The following IGDCC3 variants were observed in gnomAD, a reference collection of about 807,000 sequenced individuals.
IGDCC3 encodes the protein immunoglobulin superfamily DCC subclass member 3, also known as putative neuronal cell adhesion molecule.
In IGDCC3, 47 loss-of-function variants were observed where a neutral mutation model predicts 72.0. That is an observed-to-expected ratio of 0.65 (90% confidence interval 0.52 to 0.83). IGDCC3 has a LOEUF of 0.83. Among genes scored for constraint, IGDCC3 ranks in the 40% least tolerant of loss-of-function variants. IGDCC3 has a pLI of 0.00. For missense variants in IGDCC3, 1,038 were observed against 1,091.3 expected, an observed-to-expected ratio of 0.95 and a Z score of 0.69; for synonymous variants, 477 against 472.8, an observed-to-expected ratio of 1.01 and a Z score of -0.11.
intron 2 of IGDCC3, among the ~76,000 whole-genome samples, chr15:65,365,419 A>AT (rs2091284199): frequency 6.6e-6 from 1 of 152,070 alleles, no homozygotes; most frequent in South Asian, 2.1e-4. Context: ...CCTGCCCATT[A>AT]TCACTGCCTG....
intron 2 of IGDCC3, among the ~76,000 whole-genome samples, chr15:65,371,297 T>C (rs911956842): frequency 6.6e-6 from 1 of 152,216 alleles, no homozygotes; most frequent in African/African-American, 2.4e-5. Context: ...ATGGTGCACA[T>C]TTTTTCAGAT....
In IGDCC3 at chr15:65,377,552, G is replaced by T; in HGVS notation, c.103+134C>A. ...ACCCTCTCCCCGTCCGGATCCGCAG[G>T]GTCCCCCCCGCGCGGGGTCCGCCCT... On this transcript the variant is annotated intron_variant, in intron 1 of 13. Transcript: ENST00000327987. This position sits in a 1 kb window ranked among gnomAD's most constrained non-coding sequence, Gnocchi z 4.9. The T allele has an allele frequency of 1.1e-6, 1 of 912,958 alleles. No homozygotes were observed. The allele number at this position is 912,958 out of a possible 1,614,324, so 56.6% of individuals were successfully genotyped here.
chr15:65,349,200 T>G (rs908499462), intron 2 of IGDCC3, among the ~76,000 whole-genome samples: 1 of 152,124 alleles, frequency 6.6e-6, no homozygotes, highest in African/African-American at 2.4e-5. Flanking sequence ...CTAAGCAGAG[T>G]AGCTAATGTC....
At chr15:65,352,312 T>C (rs1017239946) in intron 2 of IGDCC3, among the ~76,000 whole-genome samples, 3 of 152,250 alleles carry the variant, frequency 2.0e-5, no homozygotes, top group Admixed American at 1.3e-4. Flanking sequence ...TTGTGAGTAT[T>C]CTTAACTTAT....
chr15:65,362,122 G>GGA lies in IGDCC3; in HGVS notation c.409+12974_409+12975insTC, dbSNP rs2091265988. On this transcript the variant is annotated intron_variant, in intron 2 of 13. Transcript: ENST00000327987. ...AAGAAGTGGTACAGAGGGAGCTGGG[G>GGA]GGCCTGGAGGGAGGCAGAGGAGGAA... Among the ~76,000 whole-genome samples, 3 of 152,200 alleles carry GGA rather than the reference G, an allele frequency of 2.0e-5. No individual in the cohort carries two copies. The East Asian group carries it at 5.8e-4, about 29-fold the overall frequency.
In IGDCC3 at chr15:65,329,998, C is replaced by T. The variant is rs534452588; in HGVS notation, c.1859-134G>A. 81 of 921,294 alleles carry T rather than the reference C, an allele frequency of 8.8e-5. No individual in the cohort carries two copies. In the African/African-American group the frequency reaches 9.8e-4, roughly 11 times the overall value. 57.1% of individuals were successfully genotyped at this position (921,294 alleles called of 1,614,324 possible). A position where few individuals can be genotyped will look rare whatever the true frequency, so the allele number is the denominator to read the frequency against. On this transcript the variant is annotated intron_variant, in intron 11 of 13. Transcript: ENST00000327987. The surrounding 1 kb of genome is among the most constrained non-coding windows in gnomAD (Gnocchi z 4.1). ...GAGTGGGAACATCCTTTGACTTTGCCTACAGGACTCCAGACCAATCTTTTT... is the reference window on the plus strand; with the variant it reads ...GAGTGGGAACATCCTTTGACTTTGCTTACAGGACTCCAGACCAATCTTTTT...
At chr15:65,346,290 T>C (rs941693123) in intron 2 of IGDCC3, among the ~76,000 whole-genome samples, 25 of 152,244 alleles carry the variant, frequency 1.6e-4, no homozygotes, top group Non-Finnish European at 3.4e-4. Context: ...CCAGCAGATC[T>C]GAGCTGTGAA....
Position 65,331,457 on chromosome 15 carries a change from T to A in IGDCC3, c.1351A>T (p.Thr451Ser), listed in dbSNP as rs779182803. Residue 451 changes from threonine to serine, a missense_variant, in exon 8 of 14, where the codon ACC becomes TCC. Coordinates refer to ENST00000327987, the MANE Select transcript of IGDCC3 (RefSeq NM_004884.4). ...AGGACGTAGCCGATGATCTCCTTGG[T>A]GTTGGCCAGCGGCTCACTCCAGGAC... ...RVSWSEPLAN[T>S]KEIIGYVLHI... is the part of the protein sequence containing the mutation. The A allele has an allele frequency of 6.2e-7, 1 of 1,612,992 alleles. No homozygotes were observed. Among genetic ancestry groups the A allele is most frequent in the South Asian group, 1.1e-5 (1 of 90,936 alleles).
intron 2 of IGDCC3, among the ~76,000 whole-genome samples, chr15:65,363,516 T>G (rs2091273393): frequency 6.6e-6 from 1 of 152,176 alleles, no homozygotes; most frequent in Non-Finnish European, 1.5e-5. Context: ...GTCGGCCCCG[T>G]GGGCGTGTAA....
chr15:65,371,778 C>CT (rs1423259210), intron 2 of IGDCC3, among the ~76,000 whole-genome samples: 2 of 152,182 alleles, frequency 1.3e-5, no homozygotes, highest in Non-Finnish European at 2.9e-5. Flanking sequence ...CTAGTCCATC[C>CT]TTTTTGGAGT....
chr15:65,359,131 T>G (rs2140162939), intron 2 of IGDCC3, among the ~76,000 whole-genome samples: 1 of 152,338 alleles, frequency 6.6e-6, no homozygotes, highest in Non-Finnish European at 1.5e-5. Flanking sequence ...AAAATGCTTT[T>G]AAATGATCTC....
intron 2 of IGDCC3, among the ~76,000 whole-genome samples, chr15:65,356,571 C>A (rs1247877393): frequency 1.4e-5 from 2 of 146,624 alleles, no homozygotes; most frequent in Non-Finnish European, 3.0e-5. Flanking sequence ...TAAAGGAAAC[C>A]ACGGTGCAGA....
At chr15:65,349,729 C>T (rs2091157332) in intron 2 of IGDCC3, among the ~76,000 whole-genome samples, 1 of 152,182 alleles carries the variant, frequency 6.6e-6, no homozygotes, top group Non-Finnish European at 1.5e-5. Flanking sequence ...GCAGTACTTT[C>T]TTTTGGTCTC....
Position 65,351,538 on chromosome 15 carries a change from A to AAG in IGDCC3, c.410-15583_410-15582insCT, listed in dbSNP as rs2091173754. 2.0e-5 allele frequency among the ~76,000 whole-genome samples: 3 copies of AAG among 152,108 alleles called. No homozygotes were observed. In the East Asian group the frequency reaches 5.8e-4, roughly 29 times the overall value. ...GACAGAGTGAGACTCCGTCTCAAAA[A>AAG]AAAAAAAAAAAGAATCTTACCTTAC... On this transcript the variant is annotated intron_variant, in intron 2 of 13. Transcript: ENST00000327987.
rs767988981 is a variant in IGDCC3, at chr15:65,335,917, C to G, written c.449G>C (p.Gly150Ala). Residue 150 changes from glycine to alanine, a missense_variant, in exon 3 of 14, where the codon GGT becomes GCT. By Grantham distance (60) the Gly-to-Ala change is moderately conservative. Coordinates refer to ENST00000327987, the MANE Select transcript of IGDCC3 (RefSeq NM_004884.4). Reference sequence around the variant, plus strand: ...GAAGCGGGCCACACCACCCTCCTCACCCACGGTGGCCTGGGGATGCACGTG... The same window carrying G: ...GAAGCGGGCCACACCACCCTCCTCAGCCACGGTGGCCTGGGGATGCACGTG... ...DFHVHPQATV[G>A]EEGGVARFQC... The G allele has an allele frequency of 6.2e-7, 1 of 1,614,120 alleles. No individual in the cohort carries two copies. The highest frequency in any genetic ancestry group is 1.7e-5 in the Admixed American group (1 of 60,024).
intron 2 of IGDCC3, among the ~76,000 whole-genome samples, chr15:65,361,170 T>G (rs1288695178): frequency 6.6e-6 from 1 of 152,138 alleles, no homozygotes; most frequent in Non-Finnish European, 1.5e-5. Context: ...GGCTCAAGCC[T>G]GTAATCCCAG....
At chr15:65,352,724 TG>T (rs1385418635) in intron 2 of IGDCC3, among the ~76,000 whole-genome samples, 3 of 152,194 alleles carry the variant, frequency 2.0e-5, no homozygotes, top group East Asian at 1.9e-4. Flanking sequence ...AAAGATCCTA[TG>T]TGAAAAATAA....
Position 65,331,370 on chromosome 15 carries a change from T to C in IGDCC3, c.1396+42A>G, listed in dbSNP as rs775644404. 6.4e-6 allele frequency: 10 copies of C among 1,574,424 alleles called. No homozygotes were observed. In the South Asian group the frequency reaches 1.1e-4, roughly 17 times the overall value. ...GTGCAGGATTGGAAGGAATAAGAAA[T>C]AGTGAATTAGAGGAAGGGGCAACAG... On this transcript the variant is annotated intron_variant, in intron 8 of 13. Transcript: ENST00000327987.
intron 2 of IGDCC3, among the ~76,000 whole-genome samples, chr15:65,341,920 C>A (rs1409977374): frequency 6.6e-6 from 1 of 152,132 alleles, no homozygotes; most frequent in East Asian, 1.9e-4. Context: ...GTTACAGGCA[C>A]CTGCCACCAC....
Sources: gnomAD v4.1 joint callset for allele counts (sites outside exome capture counted in the v4.1 genomes callset) on GRCh38, gnomAD v4.1.1 for gene constraint, Gnocchi (gnomAD v3.1) non-coding constraint, MANE v1.5 for transcripts, NCBI Gene and HGNC (gene_info 2026-07-23, HGNC 2026-07-21) for gene names.